Variants in ABCG2 observed in about 807,000 individuals in gnomAD.
ABCG2 encodes ATP binding cassette subfamily G member 2 (JR blood group).
Under a neutral mutation model 73.5 loss-of-function variants are expected in ABCG2, and 80 were observed. That is an observed-to-expected ratio of 1.09 (90% CI 0.91 to 1.31). The LOEUF (loss-of-function observed/expected upper bound fraction) is 1.31. ABCG2 is among the 50% of genes most tolerant of loss of function. The probability of loss-of-function intolerance (pLI) is 0.00; values close to 1 mark genes in which losing one functional copy is unlikely to be tolerated. For missense variants in ABCG2, 796 were observed against 786.2 expected (o/e 1.01, Z -0.15); for synonymous variants, 269 against 282.4 (o/e 0.95, Z 0.48).
At chr4:88,117,578 A>T (rs1004274422) in intron 7 of ABCG2, among the ~76,000 whole-genome samples, 1 of 152,188 alleles carries the variant, frequency 6.6e-6, no homozygotes, top group Non-Finnish European at 1.5e-5. Flanking sequence ...CAGAGCTTGC[A>T]GTGAGCCAAG....
chr4:88,156,804 T>C (rs547628409), intron 1 of ABCG2, among the ~76,000 whole-genome samples: 1 of 152,258 alleles, frequency 6.6e-6, no homozygotes, highest in South Asian at 2.1e-4. Flanking sequence ...ATTAACATCA[T>C]AGGTAATAAG....
intron 1 of ABCG2, among the ~76,000 whole-genome samples, chr4:88,196,813 A>G (rs1728953808): frequency 1.3e-5 from 2 of 151,610 alleles, no homozygotes; most frequent in Non-Finnish European, 2.9e-5. Flanking sequence ...CCCCTTTAGC[A>G]TCGGACTGCG....
upstream of ABCG2, among the ~76,000 whole-genome samples, chr4:88,160,564 T>C (rs1727252191): frequency 6.6e-6 from 1 of 151,750 alleles, no homozygotes; most frequent in Non-Finnish European, 1.5e-5. Flanking sequence ...ACCCTATACA[T>C]AGAGGCCAGG....
chr4:88,191,250 C>T (rs1367367858), intron 1 of ABCG2, among the ~76,000 whole-genome samples: 7 of 140,820 alleles, frequency 5.0e-5, no homozygotes, highest in South Asian at 4.6e-4. Context: ...CCAGCCTGGG[C>T]GACAGAGTGA....
intron 1 of ABCG2, among the ~76,000 whole-genome samples, chr4:88,184,242 T>A (rs759611065): frequency 2.6e-5 from 4 of 152,042 alleles, no homozygotes; most frequent in Non-Finnish European, 4.4e-5. Flanking sequence ...ATAAAGGGCA[T>A]CCAAACTGAA....
intron 10 of ABCG2, among the ~76,000 whole-genome samples, chr4:88,102,787 A>G (rs1008479745): frequency 2.6e-5 from 4 of 152,130 alleles, no homozygotes; most frequent in Admixed American, 2.0e-4. Context: ...AAATGGCGTA[A>G]AAACAAGAGA....
intron 1 of ABCG2, among the ~76,000 whole-genome samples, chr4:88,211,941 G>C (rs1430211283): frequency 6.6e-6 from 1 of 152,102 alleles, no homozygotes. Context: ...AAAGCATTTC[G>C]AGTGATTTAT....
At position 88,158,598 on chromosome 4, in the gene ABCG2, T is replaced by G. The variant is rs1312537982; in HGVS notation, c.-232A>C. The G allele has an allele frequency of 2.2e-6, 1 of 456,336 alleles. No homozygotes were observed. Among genetic ancestry groups the G allele is most frequent in the Admixed American group, 2.3e-5 (1 of 42,576 alleles). The allele number at this position is 456,336 out of a possible 1,614,324, so 28.3% of individuals were successfully genotyped here. A position where few individuals can be genotyped will look rare whatever the true frequency, so the allele number is the denominator to read the frequency against. On this transcript the variant is annotated 5_prime_UTR_variant, in exon 1 of 16. Coordinates refer to ENST00000237612, the MANE Select transcript of ABCG2 (RefSeq NM_004827.3). Reference sequence around the variant, plus strand: ...CTACCCAGTTCCTCCACAGGCTGCCTCCTTGCCGCGTCTCTCAATCTCAGT... The same window carrying G: ...CTACCCAGTTCCTCCACAGGCTGCCGCCTTGCCGCGTCTCTCAATCTCAGT...
rs145569781 is a variant in ABCG2 at position 88,170,313 on chromosome 4, T to C, written c.-19-30299A>G. On this transcript the variant is annotated intron_variant, in intron 1 of 15. Transcript: ENST00000515655. ...CCTTATGCACATTTATTTACCTGGA[T>C]GCTTGTTAAGCTCACATCATACTCA... Among the ~76,000 whole-genome samples the C allele has an allele frequency of 2.3e-3, 344 of 152,300 alleles. 1 individual carries two copies. Among genetic ancestry groups the C allele is most frequent in the African/African-American group, 7.9e-3 (330 of 41,560 alleles).
At chr4:88,186,035 G>A (rs1448749133) in intron 1 of ABCG2, among the ~76,000 whole-genome samples, 1 of 152,082 alleles carries the variant, frequency 6.6e-6, no homozygotes, top group Non-Finnish European at 1.5e-5. Context: ...AAGGAAATCA[G>A]TATGACACAG....
intron 2 of ABCG2, among the ~76,000 whole-genome samples, chr4:88,137,484 A>C (rs1725332866): frequency 6.6e-6 from 1 of 152,176 alleles, no homozygotes; most frequent in South Asian, 2.1e-4. Context: ...TTTTAACATC[A>C]CCAGGGGTGG....
At chr4:88,186,952 G>C (rs1217155804) in intron 1 of ABCG2, among the ~76,000 whole-genome samples, 2 of 150,248 alleles carry the variant, frequency 1.3e-5, no homozygotes, top group Non-Finnish European at 3.0e-5. Context: ...ATTTAGCCGG[G>C]CATGGTGGCA....
At chr4:88,191,648 G>T (rs906083279) in intron 1 of ABCG2, among the ~76,000 whole-genome samples, 1 of 152,130 alleles carries the variant, frequency 6.6e-6, no homozygotes, top group Admixed American at 6.5e-5. Flanking sequence ...TACACAAAGG[G>T]CTGTAAGCAA....
chr4:88,152,706 A>G (rs989075528), intron 1 of ABCG2, among the ~76,000 whole-genome samples: 4 of 152,194 alleles, frequency 2.6e-5, no homozygotes, highest in Admixed American at 1.3e-4. Context: ...ATGATGGCTT[A>G]GCTTGGGCTC....
rs567089884 is a variant in ABCG2 at position 88,220,331 on chromosome 4, G to A, written c.-20+10663C>T. On this transcript the variant is annotated intron_variant, in intron 1 of 15. Transcript: ENST00000515655. ...AGTTCTTTTGGGTATATATCTAGAA[G>A]TGGAATTGTGGGATTGTATGGTAAT... Among the ~76,000 whole-genome samples, 14 of 152,286 alleles carry A rather than the reference G, an allele frequency of 9.2e-5. No individual in the cohort carries two copies. In the South Asian group the frequency reaches 2.7e-3, roughly 29 times the overall value.
chr4:88,221,991 T>C (rs1343892270), intron 1 of ABCG2, among the ~76,000 whole-genome samples: 1 of 152,148 alleles, frequency 6.6e-6, no homozygotes, highest in Non-Finnish European at 1.5e-5. Flanking sequence ...CCCATCACAG[T>C]CCCTGAAGAC....
rs541991997 is a variant in ABCG2, at chr4:88,103,010, C to T, written c.1278-1691G>A. Among the ~76,000 whole-genome samples, 3 of 152,248 alleles carry T rather than the reference C, an allele frequency of 2.0e-5. No individual in the cohort carries two copies. The East Asian group carries it at 5.8e-4, about 29-fold the overall frequency. On this transcript the variant is annotated intron_variant, in intron 10 of 15. Coordinates refer to ENST00000237612, the MANE Select transcript of ABCG2 (RefSeq NM_004827.3). ...ACTGCAACTGAGTTGAACTCCTGGC[C>T]TCAAGCAATCCTCCCAGCTTGGCCT...
intron 5 of ABCG2, among the ~76,000 whole-genome samples, chr4:88,128,844 A>G (rs566225330): frequency 6.6e-6 from 1 of 152,298 alleles, no homozygotes; most frequent in East Asian, 1.9e-4. Context: ...AGGGTGCAGC[A>G]AACCACCATA....
At chr4:88,214,973 T>A (rs907218613) in intron 1 of ABCG2, among the ~76,000 whole-genome samples, 1 of 151,666 alleles carries the variant, frequency 6.6e-6, no homozygotes, top group Non-Finnish European at 1.5e-5. Flanking sequence ...ACACCTGTAG[T>A]CCCAGCTATA....
Sources: gnomAD v4.1 joint callset for allele counts (sites outside exome capture counted in the v4.1 genomes callset) on GRCh38, gnomAD v4.1.1 for gene constraint, MANE v1.5 for transcripts, NCBI Gene and HGNC (gene_info 2026-07-23, HGNC 2026-07-21) for gene names.